Variants in IFT88 observed in about 807,000 individuals in gnomAD.
The protein encoded by IFT88 is intraflagellar transport protein 88 homolog.
IFT88 carries 74 observed loss-of-function variants against 119.5 expected under a neutral mutation model. The ratio of observed to expected loss-of-function variants is 0.62; its 90% CI spans 0.51 to 0.75. IFT88 has a LOEUF of 0.75. IFT88 is among the 30% of genes least tolerant of loss of function. The pLI, the probability that IFT88 is intolerant of heterozygous loss-of-function variation, is 0.00. For missense variants in IFT88, 961 were observed against 977.7 expected (o/e 0.98, Z 0.23); for synonymous variants, 279 against 316.7 (o/e 0.88, Z 1.26).
intron 22 of IFT88, among the ~76,000 whole-genome samples, chr13:20,661,073 A>G (rs948295337): frequency 1.3e-5 from 2 of 152,218 alleles, no homozygotes; most frequent in African/African-American, 4.8e-5. Context: ...TACAACAGAT[A>G]TATCAACTTG....
At chr13:20,648,520 T>C (rs1249507914) in intron 20 of IFT88, among the ~76,000 whole-genome samples, 5 of 151,768 alleles carry the variant, frequency 3.3e-5, no homozygotes, top group African/African-American at 1.2e-4. Flanking sequence ...AATAGTACAC[T>C]ATAAAAAAGT....
At chr13:20,637,272 A>G (rs2049155719) in intron 16 of IFT88, among the ~76,000 whole-genome samples, 1 of 152,232 alleles carries the variant, frequency 6.6e-6, no homozygotes, top group South Asian at 2.1e-4. Context: ...GGTCAGGTTT[A>G]TTATATATAA....
Position 20,601,845 on chromosome 13 carries a change from T to C in IFT88, c.953T>C (p.Ile318Thr). ...AACCTAACTATCTGTTATTTTGCTA[T>C]TGGAGACCGAGAAAAAATGAAGAAG... ...GYNLTICYFA[I>T]GDREKMKKAF... is the part of the protein sequence containing the mutation. The change falls in exon 12 of 26, where the codon ATT becomes ACT. Residue 318 changes from isoleucine to threonine, a missense_variant. Ile to Thr is a moderately conservative substitution (Grantham distance 89). Transcript: ENST00000351808. 23 of 1,613,460 alleles carry C rather than the reference T, an allele frequency of 1.4e-5. No homozygotes were observed. Among genetic ancestry groups the C allele is most frequent in the Non-Finnish European group, 2.0e-5 (23 of 1,179,394 alleles).
intron 2 of IFT88, among the ~76,000 whole-genome samples, chr13:20,581,694 A>T (rs34085678): frequency 0.42 from 64,106 of 151,412 alleles, 14,683 homozygotes; most frequent in Middle Eastern, 0.53. Context: ...TCTCTAAAAA[A>T]ATACAAAAAT....
At chr13:20,673,294 G>A (rs1340123930) in intron 24 of IFT88, among the ~76,000 whole-genome samples, 1 of 152,134 alleles carries the variant, frequency 6.6e-6, no homozygotes, top group African/African-American at 2.4e-5. Flanking sequence ...TTTCCCAGAT[G>A]CCATCACTTT....
intron 16 of IFT88, among the ~76,000 whole-genome samples, chr13:20,632,482 G>A (rs1436567660): frequency 6.6e-6 from 1 of 152,174 alleles, no homozygotes; most frequent in Non-Finnish European, 1.5e-5. Flanking sequence ...CCACTAACTC[G>A]AATTTCCAGC....
intron 20 of IFT88, among the ~76,000 whole-genome samples, chr13:20,645,230 C>G (rs9550664): frequency 0.27 from 40,266 of 151,864 alleles, 6,533 homozygotes; most frequent in East Asian, 0.7. Context: ...GCTGGGATTA[C>G]AGTCACGCAC....
intron 3 of IFT88, among the ~76,000 whole-genome samples, chr13:20,587,362 A>G (rs770257866): frequency 3.4e-4 from 51 of 152,054 alleles, no homozygotes; most frequent in South Asian, 1.2e-3. Flanking sequence ...GGTTCAAGCA[A>G]TTCTCGGGCC....
At position 20,663,509 on chromosome 13, in the gene IFT88, T is replaced by C; in HGVS notation, c.2080T>C (p.Leu694=). ...FPENVECLRF[L]VRLCTDLGLK... is the part of the protein sequence containing the mutation. ...ATTTTACAATTTAGGTCTGCGTTTC[T>C]TAGTTCGTCTCTGCACAGATCTTGG... The change falls in exon 23 of 26, where the codon TTA becomes CTA. Residue 694 remains leucine (L), a synonymous_variant. Coordinates refer to ENST00000351808, the MANE Select transcript of IFT88 (RefSeq NM_006531.5). The C allele has an allele frequency of 6.2e-7, 1 of 1,613,396 alleles. No homozygotes were observed. The highest frequency in any genetic ancestry group is 1.3e-5 in the African/African-American group (1 of 75,000).
In IFT88 at chr13:20,638,327, C is replaced by A; in HGVS notation, c.1387-5C>A. The A allele has an allele frequency of 7.5e-7, 1 of 1,326,484 alleles. No homozygotes were observed. The highest frequency in any genetic ancestry group is 9.8e-7 in the Non-Finnish European group (1 of 1,025,160). 82.2% of individuals were successfully genotyped at this position (1,326,484 alleles called of 1,614,324 possible). On this transcript the variant is annotated splice_region_variant and splice_polypyrimidine_tract_variant and intron_variant, in intron 16 of 25. Coordinates refer to ENST00000351808, the MANE Select transcript of IFT88 (RefSeq NM_006531.5). ...TCAAATAATTTGTATATGTATTTTA[C>A]TTAGGGAAAGGATTTTGCACAAGCC... is the stretch of plus-strand genomic sequence containing the variant.
At chr13:20,570,896 T>C (rs915694603) in intron 1 of IFT88, among the ~76,000 whole-genome samples, 4 of 152,130 alleles carry the variant, frequency 2.6e-5, no homozygotes, top group African/African-American at 9.6e-5. Context: ...ATTTAAAATA[T>C]ATAAATAATT....
intron 14 of IFT88, 36 bp downstream of exon 14, chr13:20,615,915 GT>G: frequency 8.4e-7 from 1 of 1,185,666 alleles, no homozygotes; most frequent in South Asian, 1.6e-5. Context: ...CATAGATGTG[GT>G]TTTTTTCATA....
rs561077135 is a variant in IFT88, at chr13:20,589,751, A to T, written c.154-60A>T. 3 of 932,730 alleles carry T rather than the reference A, an allele frequency of 3.2e-6. No homozygotes were observed. In the South Asian group the frequency reaches 6.2e-5, roughly 19 times the overall value. The allele number at this position is 932,730 out of a possible 1,614,324, so 57.8% of individuals were successfully genotyped here. A position where few individuals can be genotyped will look rare whatever the true frequency, so the allele number is the denominator to read the frequency against. Reference sequence around the variant, plus strand: ...AGTCTATATTTTCTATTTCTTTTCCAGTTTTCTATTATATAGCTCAGTCTG... The same window carrying T: ...AGTCTATATTTTCTATTTCTTTTCCTGTTTTCTATTATATAGCTCAGTCTG... On this transcript the variant is annotated intron_variant, in intron 3 of 25. Coordinates refer to ENST00000351808, the MANE Select transcript of IFT88 (RefSeq NM_006531.5).
intron 9 of IFT88, among the ~76,000 whole-genome samples, chr13:20,598,114 G>C (rs967343546): frequency 2.6e-5 from 4 of 152,100 alleles, no homozygotes; most frequent in African/African-American, 9.7e-5. Flanking sequence ...ATTTTGAAGT[G>C]TTAGATGCTT....
chr13:20,612,005 A>G (rs1346621066), intron 13 of IFT88, among the ~76,000 whole-genome samples: 1 of 152,238 alleles, frequency 6.6e-6, no homozygotes, highest in Non-Finnish European at 1.5e-5. Context: ...CATCCAGATT[A>G]GAAAGGAACA....
At chr13:20,573,879 C>T (rs775297351) in intron 1 of IFT88, among the ~76,000 whole-genome samples, 10 of 151,882 alleles carry the variant, frequency 6.6e-5, no homozygotes, top group African/African-American at 2.4e-4. Context: ...CTTTCAGTGT[C>T]GTAGTTGTGA....
chr13:20,567,699 T>C (rs2035173932), intron 1 of IFT88: 1 of 1,183,780 alleles, frequency 8.4e-7, no homozygotes. Flanking sequence ...CTGATGAAAG[T>C]TGAATCAGGA....
At chr13:20,682,258 A>G (rs866766280) in intron 24 of IFT88, among the ~76,000 whole-genome samples, 2 of 152,226 alleles carry the variant, frequency 1.3e-5, no homozygotes, top group African/African-American at 2.4e-5. Flanking sequence ...CTCTTGGACA[A>G]TAACACCAGT....
intron 24 of IFT88, among the ~76,000 whole-genome samples, chr13:20,679,320 CA>C (rs2057055342): frequency 1.3e-5 from 2 of 152,210 alleles, no homozygotes; most frequent in Non-Finnish European, 2.9e-5. Flanking sequence ...CAATTATTTA[CA>C]TAGTCTGCTG....
Sources: gnomAD v4.1 joint callset for allele counts (sites outside exome capture counted in the v4.1 genomes callset) on GRCh38, gnomAD v4.1.1 for gene constraint, MANE v1.5 for transcripts, NCBI Gene and HGNC (gene_info 2026-07-23, HGNC 2026-07-21) for gene names.